Variants in HIPK2 observed in about 807,000 individuals in gnomAD.
HIPK2 encodes the protein homeodomain interacting protein kinase 2, also known as homeodomain-interacting protein kinase 2.
HIPK2 carries 27 observed loss-of-function variants against 113.7 expected under a neutral mutation model. That is an observed-to-expected ratio of 0.24 (90% CI 0.17 to 0.33). The LOEUF (loss-of-function observed/expected upper bound fraction) is 0.33, where lower values mean the gene tolerates loss of function less well. Among genes scored for constraint, HIPK2 ranks in the 10% least tolerant of loss-of-function variants. HIPK2 has a pLI of 1.00. For synonymous variants in HIPK2, 631 were observed against 642.2 expected, an observed-to-expected ratio of 0.98 and a Z score of 0.26; for missense variants, 1,257 against 1,588.0, an observed-to-expected ratio of 0.79 and a Z score of 3.54.
At chr7:139,695,373 C>T (rs1040910385) in intron 2 of HIPK2, among the ~76,000 whole-genome samples, 2 of 152,152 alleles carry the variant, frequency 1.3e-5, no homozygotes, top group Admixed American at 1.3e-4. Context: ...CTGCCTTTCA[C>T]CACCCGCTAG....
chr7:139,776,412 TTTAAG>T (rs1258912058), intron 1 of HIPK2, among the ~76,000 whole-genome samples: 1 of 147,478 alleles, frequency 6.8e-6, no homozygotes, highest in Admixed American at 6.6e-5. Context: ...CAGATTTTCT[TTTAAG>T]TTTTTTTTTT....
intron 2 of HIPK2, among the ~76,000 whole-genome samples, chr7:139,715,430 G>C (rs1795196398): frequency 6.6e-6 from 1 of 152,212 alleles, no homozygotes; most frequent in African/African-American, 2.4e-5. Context: ...AAGGTTTCCA[G>C]GGCTTGCTCT....
At position 139,637,109 on chromosome 7, in the gene HIPK2, CCT is replaced by C. The variant is rs529984021; in HGVS notation, c.1104-5386_1104-5385del. On this transcript the variant is annotated intron_variant, in intron 2 of 14. Transcript: ENST00000406875. ...CCAGCTCCAAAGTCTCAAGTCAGCC[CCT>C]GATTCTCCATCCCCCCTGCCGCAGC... Among the ~76,000 whole-genome samples, 251 of 152,346 alleles carry C rather than the reference CCT, an allele frequency of 1.6e-3. 2 individuals are homozygous for C. The highest frequency in any genetic ancestry group is 5.5e-3 in the African/African-American group (230 of 41,576).
intron 1 of HIPK2, among the ~76,000 whole-genome samples, chr7:139,769,624 C>T (rs1361207069): frequency 1.3e-5 from 2 of 152,364 alleles, no homozygotes; most frequent in East Asian, 3.9e-4. Flanking sequence ...AACACCAGAG[C>T]TTTGCCTATT....
intron 2 of HIPK2, among the ~76,000 whole-genome samples, chr7:139,689,927 A>G (rs1479387796): frequency 6.6e-6 from 1 of 152,030 alleles, no homozygotes; most frequent in African/African-American, 2.4e-5. Flanking sequence ...AGGGGGAAAG[A>G]CGCTGGGTGG....
intron 14 of HIPK2, among the ~76,000 whole-genome samples, chr7:139,574,253 T>C (rs1798413243): frequency 6.6e-6 from 1 of 152,098 alleles, no homozygotes; most frequent in Non-Finnish European, 1.5e-5. Context: ...CTCATGCCTG[T>C]AGTCTCAGCT....
intron 2 of HIPK2, among the ~76,000 whole-genome samples, chr7:139,657,714 T>C (rs1272006200): frequency 6.6e-6 from 1 of 152,234 alleles, no homozygotes; most frequent in East Asian, 1.9e-4. Flanking sequence ...AGGCACTTGT[T>C]TCTAGGTGTA....
rs201571339 is a variant in HIPK2 at position 139,716,290 on chromosome 7, G to A, written c.745C>T (p.Arg249Trp). 8 of 1,614,026 alleles carry A rather than the reference G, an allele frequency of 5.0e-6. No individual in the cohort carries two copies. The highest frequency in any genetic ancestry group is 1.3e-5 in the African/African-American group (1 of 74,920). The change falls in exon 2 of 15, where the codon CGG becomes TGG. Residue 249 changes from arginine (R) to tryptophan (W), a missense_variant. This residue lies in a region of HIPK2 where 78 missense variants were observed against 145.7 expected (regional missense o/e 0.54). Coordinates refer to ENST00000406875, the MANE Select transcript of HIPK2 (RefSeq NM_022740.5). The surrounding 1 kb of genome is among the most constrained non-coding windows in gnomAD (Gnocchi z 9.3). ...QGQIEVSILA[R>W]LSTESADDYN... ...TCATCGGCACTCTCCGTGCTCAACC[G>A]GGCCAGGATGCTCACTTCAATCTGA... is the stretch of plus-strand genomic sequence containing the variant.
intron 2 of HIPK2, among the ~76,000 whole-genome samples, chr7:139,677,260 GACACAC>G (rs71170909): frequency 0.51 from 76,295 of 149,912 alleles, 20,487 homozygotes; most frequent in Non-Finnish European, 0.6. Context: ...TATATATGGA[GACACAC>G]ACACACACAC....
chr7:139,752,069 A>C (rs1168392354), intron 1 of HIPK2, among the ~76,000 whole-genome samples: 1 of 152,228 alleles, frequency 6.6e-6, no homozygotes, highest in Non-Finnish European at 1.5e-5. Flanking sequence ...TCCATATTCA[A>C]AATCAATTGT....
In HIPK2 at chr7:139,709,189, C is replaced by T. The variant is rs532571140; in HGVS notation, c.1103+6743G>A. 2.6e-4 allele frequency among the ~76,000 whole-genome samples: 39 copies of T among 152,236 alleles called. 1 individual carries two copies. Among genetic ancestry groups the T allele is most frequent in the African/African-American group, 9.4e-4 (39 of 41,544 alleles). ...TACATGTACGTATTTATAACAGTCT[C>T]CCTGGGCAAATGAAGTTGTCGGTGG... On this transcript the variant is annotated intron_variant, in intron 2 of 14. Transcript: ENST00000406875.
At chr7:139,649,180 A>T (rs1801360498) in intron 2 of HIPK2, among the ~76,000 whole-genome samples, 1 of 152,052 alleles carries the variant, frequency 6.6e-6, no homozygotes, top group Non-Finnish European at 1.5e-5. Flanking sequence ...ACTGGACACC[A>T]CAGCGGCCTA....
intron 1 of HIPK2, among the ~76,000 whole-genome samples, chr7:139,771,023 A>G (rs1198904890): frequency 1.3e-5 from 2 of 152,188 alleles, no homozygotes; most frequent in African/African-American, 4.8e-5. Context: ...GATGTCGTTC[A>G]TTACATCTTT....
At chr7:139,746,541 T>C (rs1796193327) in intron 1 of HIPK2, among the ~76,000 whole-genome samples, 1 of 152,208 alleles carries the variant, frequency 6.6e-6, no homozygotes, top group African/African-American at 2.4e-5. Context: ...CTTGGCACAC[T>C]GTAGGCACTA....
At chr7:139,774,443 T>C (rs1796705423) in intron 1 of HIPK2, among the ~76,000 whole-genome samples, 1 of 152,332 alleles carries the variant, frequency 6.6e-6, no homozygotes, top group Non-Finnish European at 1.5e-5. Context: ...AAAAGCAACA[T>C]TTATACTTAC....
At chr7:139,761,126 C>A (rs1256204171) in intron 1 of HIPK2, among the ~76,000 whole-genome samples, 1 of 152,198 alleles carries the variant, frequency 6.6e-6, no homozygotes, top group Admixed American at 6.5e-5. Context: ...AAAGGGAAAG[C>A]ATTAGCACAG....
intron 2 of HIPK2, among the ~76,000 whole-genome samples, chr7:139,703,080 C>CAACAA (rs1794761016): frequency 6.6e-6 from 1 of 151,980 alleles, no homozygotes; most frequent in Admixed American, 6.5e-5. Flanking sequence ...AAACACAGCA[C>CAACAA]AACAAAACAA....
intron 1 of HIPK2, among the ~76,000 whole-genome samples, chr7:139,760,846 T>C (rs1425081441): frequency 6.6e-6 from 1 of 152,200 alleles, no homozygotes; most frequent in African/African-American, 2.4e-5. Context: ...TCTAATACCA[T>C]TGTCCCATAC....
chr7:139,640,052 C>T (rs570180029), intron 2 of HIPK2, among the ~76,000 whole-genome samples: 23 of 152,244 alleles, frequency 1.5e-4, no homozygotes, highest in Non-Finnish European at 2.9e-4. Flanking sequence ...CTCTTCCTCA[C>T]CTTCACTGCT....
Sources: allele counts gnomAD v4.1 joint callset (sites outside exome capture counted in the v4.1 genomes callset), GRCh38; gene constraint gnomAD v4.1.1; regional missense constraint gnomAD v4.1.1; non-coding constraint Gnocchi (gnomAD v3.1); transcripts MANE v1.5; gene names NCBI Gene and HGNC (gene_info 2026-07-23, HGNC 2026-07-21).